PDE1B: variants seen among roughly 807,000 people sequenced by gnomAD.
PDE1B encodes phosphodiesterase 1B, also known as dual specificity calcium/calmodulin-dependent 3',5'-cyclic nucleotide phosphodiesterase 1B.
Under a neutral mutation model 66.7 loss-of-function variants are expected in PDE1B, and 13 were observed. The observed-to-expected ratio is 0.19, with a 90% CI of 0.13 to 0.31. The LOEUF is 0.31. Among genes scored for constraint, PDE1B ranks in the 10% least tolerant of loss-of-function variants. The pLI, the probability that PDE1B is intolerant of heterozygous loss-of-function variation, is 1.00. For synonymous variants in PDE1B, 230 were observed against 253.9 expected, an observed-to-expected ratio of 0.91 and a Z score of 0.90; for missense variants, 485 against 682.3, an observed-to-expected ratio of 0.71 and a Z score of 3.22.
chr12:54,565,118 T>C (rs567783370), intron 2 of PDE1B, among the ~76,000 whole-genome samples: 1 of 152,340 alleles, frequency 6.6e-6, no homozygotes, highest in South Asian at 2.1e-4. Flanking sequence ...GAGCCAGTGC[T>C]GGGATGTGGG....
intron 2 of PDE1B, among the ~76,000 whole-genome samples, chr12:54,565,331 G>A (rs1438745404): frequency 1.3e-5 from 2 of 152,244 alleles, no homozygotes; most frequent in East Asian, 1.9e-4. Context: ...TGGCTATGGG[G>A]ACTGATCGGC....
At chr12:54,561,469 C>T (rs986981107) in intron 2 of PDE1B, 2 of 1,358,794 alleles carry the variant, frequency 1.5e-6, no homozygotes, top group Non-Finnish European at 1.9e-6. Flanking sequence ...TTGCTCAGTT[C>T]TACTGGGACC....
At chr12:54,570,758 C>A (rs1957601052) in intron 6 of PDE1B, 1 of 199,942 alleles carries the variant, frequency 5.0e-6, no homozygotes, top group African/African-American at 2.3e-5. Flanking sequence ...CCCCGTCCCC[C>A]AGTTCTGGTC....
chr12:54,568,156 C>T (rs1032001891), intron 3 of PDE1B, among the ~76,000 whole-genome samples: 9 of 152,106 alleles, frequency 5.9e-5, no homozygotes, highest in African/African-American at 1.9e-4. Context: ...CGCGCCCAGC[C>T]GATATCTCAT....
intron 2 of PDE1B, chr12:54,561,369 C>A (rs1311274552): frequency 1.2e-6 from 1 of 828,670 alleles, no homozygotes; most frequent in Non-Finnish European, 1.6e-6. Context: ...CGCAGCCTCC[C>A]CTCTCACCCA....
chr12:54,575,318 C>A lies in PDE1B; in HGVS notation c.1185+100C>A. The A allele has an allele frequency of 9.3e-7, 1 of 1,076,428 alleles. No homozygotes were observed. The highest frequency in any genetic ancestry group is 1.4e-6 in the Non-Finnish European group (1 of 707,048). 66.7% of individuals were successfully genotyped at this position (1,076,428 alleles called of 1,614,324 possible). A position where few individuals can be genotyped will look rare whatever the true frequency, so the allele number is the denominator to read the frequency against. On this transcript the variant is annotated intron_variant, in intron 11 of 15. Coordinates refer to ENST00000243052, the MANE Select transcript of PDE1B (RefSeq NM_000924.4). This position sits in a 1 kb window ranked among gnomAD's most constrained non-coding sequence, Gnocchi z 4.0. ...CTGTTCCACATCCTCCTTTTGCTAC[C>A]TGTAGTCTCTGACCTGATCCCAAAT...
At chr12:54,574,965 A>C (rs1592387646) in intron 10 of PDE1B, 133 bp from the exon 11 acceptor site, 2 of 697,158 alleles carry the variant, frequency 2.9e-6, no homozygotes, top group Non-Finnish European at 2.3e-6. Flanking sequence ...ACAGAGTGAG[A>C]CCCTGTCTCA....
At chr12:54,556,875 AGGGCTGGGGGCTGG>A (rs572430332) in intron 2 of PDE1B, among the ~76,000 whole-genome samples, 3 of 10,420 alleles carry the variant, frequency 2.9e-4, no homozygotes, top group African/African-American at 3.0e-4. Context: ...TGGGGGGTTG[AGGGCTGGGGGCTGG>A]GGGCTGGGGG....
chr12:54,569,429 C>G lies in PDE1B; in HGVS notation c.410+63C>G. On this transcript the variant is annotated intron_variant, in intron 4 of 15. Coordinates refer to ENST00000243052, the MANE Select transcript of PDE1B (RefSeq NM_000924.4). The surrounding 1 kb of genome is among the most constrained non-coding windows in gnomAD (Gnocchi z 4.4). ...GCTGTGCCCCTCTTTCCCAGCCACC[C>G]TGGTCTTCCATGACCACCAGCCATA... 6.3e-7 allele frequency: 1 copy of G among 1,589,886 alleles called. No individual in the cohort carries two copies. Among genetic ancestry groups the G allele is most frequent in the East Asian group, 2.3e-5 (1 of 44,376 alleles).
intron 2 of PDE1B, among the ~76,000 whole-genome samples, chr12:54,561,216 G>A (rs760530094): frequency 9.2e-5 from 14 of 152,090 alleles, no homozygotes; most frequent in Non-Finnish European, 1.8e-4. Context: ...GCACTCTTAA[G>A]CCTCTTGCTA....
chr12:54,576,302 A>G (rs1394245345), intron 13 of PDE1B: 9 of 602,906 alleles, frequency 1.5e-5, no homozygotes, highest in Non-Finnish European at 2.7e-5. Context: ...CCCCTTCACC[A>G]TATTTTTGTT....
At chr12:54,577,504 A>G (rs1281856248) in intron 15 of PDE1B, 159 bp downstream of exon 15, 1 of 1,588,354 alleles carries the variant, frequency 6.3e-7, no homozygotes. Flanking sequence ...GTGTGGGTGG[A>G]GCAGGGAAAT....
intron 2 of PDE1B, among the ~76,000 whole-genome samples, chr12:54,552,586 C>T (rs1957293229): frequency 6.6e-6 from 1 of 152,124 alleles, no homozygotes; most frequent in African/African-American, 2.4e-5. Context: ...TAGTGCAGGG[C>T]AATTTTTTGT....
In PDE1B at chr12:54,577,270, A is replaced by G; in HGVS notation, c.1553A>G (p.Glu518Gly). The change falls in exon 15 of 16, where the codon GAA becomes GGA. Residue 518 changes from glutamate (E) to glycine (G), a missense_variant. Coordinates refer to ENST00000243052, the MANE Select transcript of PDE1B (RefSeq NM_000924.4). Reference protein sequence around the residue: ...MSIDELSPCEEEAPPSPAEDE... With the variant: ...MSIDELSPCEGEAPPSPAEDE... ...ATTGACGAGCTGTCCCCCTGTGAAG[A>G]AGAGGCCCCCCCATCCCCTGCCGAA... 7.3e-7 allele frequency: 1 copy of G among 1,378,420 alleles called. No homozygotes were observed. Among genetic ancestry groups the G allele is most frequent in the East Asian group, 2.5e-5 (1 of 39,810 alleles). The allele number at this position is 1,378,420 out of a possible 1,614,324, so 85.4% of individuals were successfully genotyped here. A position where few individuals can be genotyped will look rare whatever the true frequency, so the allele number is the denominator to read the frequency against.
intron 2 of PDE1B, among the ~76,000 whole-genome samples, chr12:54,555,227 G>A (rs1339085198): frequency 6.6e-6 from 1 of 152,172 alleles, no homozygotes; most frequent in Non-Finnish European, 1.5e-5. Flanking sequence ...GAAGCCCAGG[G>A]GCTGCCATAG....
Position 54,578,292 on chromosome 12 carries a change from T to G in PDE1B, c.*450T>G, listed in dbSNP as rs1462797695. On this transcript the variant is annotated 3_prime_UTR_variant, in exon 16 of 16. Transcript: ENST00000243052. ...CACCCCAGATCTTAGCTGGCAGGTC[T>G]GGGTGCCCCTTTTCCTCCCCTGGGA... The G allele has an allele frequency of 6.6e-6, 1 of 152,306 alleles. No individual in the cohort carries two copies. The highest frequency in any genetic ancestry group is 1.9e-4 in the East Asian group (1 of 5,208). The allele number at this position is 152,306 out of a possible 1,614,324, so 9.4% of individuals were successfully genotyped here. A position where few individuals can be genotyped will look rare whatever the true frequency, so the allele number is the denominator to read the frequency against.
chr12:54,549,839 T>C, intron 1 of PDE1B, 21 bp from the exon 2 acceptor site: 7 of 1,536,724 alleles, frequency 4.6e-6, no homozygotes, highest in Non-Finnish European at 6.3e-6. Flanking sequence ...CGAGGTGCTG[T>C]CTCCTCCTTC....
At chr12:54,561,321 T>G in intron 2 of PDE1B, 1 of 398,474 alleles carries the variant, frequency 2.5e-6, no homozygotes, top group Non-Finnish European at 4.1e-6. Flanking sequence ...TGAGAACAGA[T>G]TCTTGTTTTC....
At chr12:54,561,863 G>T (rs1552957) in intron 2 of PDE1B, among the ~76,000 whole-genome samples, 151,112 of 152,098 alleles carry the variant, frequency 0.99, 75,079 homozygotes, top group Middle Eastern at 1. Context: ...CCCCACCTTT[G>T]TAAAAATTGC....
Sources: gnomAD v4.1 joint callset for allele counts (sites outside exome capture counted in the v4.1 genomes callset) on GRCh38, gnomAD v4.1.1 for gene constraint, Gnocchi (gnomAD v3.1) non-coding constraint, MANE v1.5 for transcripts, NCBI Gene and HGNC (gene_info 2026-07-23, HGNC 2026-07-21) for gene names.